The following CSMD3 variants were observed in gnomAD, a reference collection of about 807,000 sequenced individuals.
CSMD3 encodes the protein CUB and sushi domain-containing protein 3.
A neutral mutation model predicts 435.2 loss-of-function variants in CSMD3; 177 were observed. The observed-to-expected ratio is 0.41, with a 90% CI of 0.36 to 0.46. CSMD3 has a LOEUF of 0.46. Ranked by LOEUF, CSMD3 falls within the 20% of genes least tolerant of loss-of-function variation. CSMD3 has a pLI of 0.34. For missense variants in CSMD3, 4,265 were observed against 4,504.6 expected, an observed-to-expected ratio of 0.95 and a Z score of 1.52; for synonymous variants, 1,656 against 1,520.5, an observed-to-expected ratio of 1.09 and a Z score of -2.07.
chr8:113,356,305 G>GA (rs1200847848), intron 1 of CSMD3, among the ~76,000 whole-genome samples: 1 of 152,124 alleles, frequency 6.6e-6, no homozygotes, highest in African/African-American at 2.4e-5. Context: ...CACAGAGGAG[G>GA]AAAAAAATTG....
chr8:113,018,504 G>A (rs961889845), intron 6 of CSMD3, among the ~76,000 whole-genome samples: 2 of 152,062 alleles, frequency 1.3e-5, no homozygotes, highest in African/African-American at 2.4e-5. Flanking sequence ...AGCTCACATA[G>A]TATTACAGAA....
At chr8:112,789,717 C>G (rs1197808842) in intron 13 of CSMD3, among the ~76,000 whole-genome samples, 2 of 151,908 alleles carry the variant, frequency 1.3e-5, no homozygotes, top group African/African-American at 4.8e-5. Context: ...AAAGAAACGT[C>G]AAATCATAAT....
At chr8:112,233,514 A>G (rs1813284815) in intron 68 of CSMD3, among the ~76,000 whole-genome samples, 1 of 152,214 alleles carries the variant, frequency 6.6e-6, no homozygotes, top group Non-Finnish European at 1.5e-5. Flanking sequence ...CAGAATGCAG[A>G]AATAGGATAA....
At chr8:112,517,304 TAATTTTTAAAATTTTGGGGTC>T in intron 27 of CSMD3, 79 bp from the exon 28 acceptor site, 1 of 1,074,934 alleles carries the variant, frequency 9.3e-7, no homozygotes, top group Admixed American at 2.4e-5. Context: ...TTTAGAAAAT[TAATTTTTAAAATTTTGGGGTC>T]AATTTTTAAA....
intron 32 of CSMD3, among the ~76,000 whole-genome samples, chr8:112,424,198 C>G (rs1194343730): frequency 1.3e-5 from 2 of 152,064 alleles, no homozygotes; most frequent in Non-Finnish European, 2.9e-5. Flanking sequence ...CGATTCAAAG[C>G]CCAGATCGAC....
chr8:112,408,064 A>G (rs965636199), intron 34 of CSMD3, among the ~76,000 whole-genome samples: 3 of 152,066 alleles, frequency 2.0e-5, no homozygotes, highest in African/African-American at 7.2e-5. Context: ...TTGTCAGGAA[A>G]AAAAAGTAGA....
At chr8:112,952,064 T>A (rs1008377081) in intron 8 of CSMD3, among the ~76,000 whole-genome samples, 6 of 151,692 alleles carry the variant, frequency 4.0e-5, no homozygotes, top group Admixed American at 1.3e-4. Flanking sequence ...TAATTTTTTT[T>A]AAATCTATAG....
At chr8:113,156,044 T>C (rs1226520180) in intron 4 of CSMD3, among the ~76,000 whole-genome samples, 1 of 152,078 alleles carries the variant, frequency 6.6e-6, no homozygotes, top group Non-Finnish European at 1.5e-5. Flanking sequence ...TTTTTTTCTT[T>C]TGTTTTCCAT....
intron 1 of CSMD3, among the ~76,000 whole-genome samples, chr8:113,359,463 G>A (rs1011610742): frequency 6.6e-6 from 1 of 152,148 alleles, no homozygotes; most frequent in Non-Finnish European, 1.5e-5. Flanking sequence ...AACAGAGCGG[G>A]GGCAAATTCT....
At chr8:112,813,317 G>T (rs899469586) in intron 12 of CSMD3, among the ~76,000 whole-genome samples, 2 of 152,150 alleles carry the variant, frequency 1.3e-5, no homozygotes, top group African/African-American at 4.8e-5. Flanking sequence ...TGTTACCAGA[G>T]TGAAAAACAA....
intron 4 of CSMD3, among the ~76,000 whole-genome samples, chr8:113,161,098 T>A (rs900269207): frequency 7.9e-5 from 12 of 152,120 alleles, no homozygotes; most frequent in African/African-American, 2.4e-4. Flanking sequence ...TTTTCCTTGA[T>A]AATGGGAATT....
At chr8:113,210,238 C>T (rs1233661481) in intron 3 of CSMD3, among the ~76,000 whole-genome samples, 1 of 151,926 alleles carries the variant, frequency 6.6e-6, no homozygotes, top group Non-Finnish European at 1.5e-5. Context: ...GAAATTTCAG[C>T]GTGATCCTGA....
At position 112,638,921 on chromosome 8, in the gene CSMD3, A is replaced by G. The variant is rs558499533; in HGVS notation, c.3311-10T>C. 1 of 1,575,620 alleles carries G rather than the reference A, an allele frequency of 6.3e-7. No homozygotes were observed. Among genetic ancestry groups the G allele is most frequent in the African/African-American group, 1.3e-5 (1 of 74,158 alleles). On this transcript the variant is annotated splice_polypyrimidine_tract_variant and intron_variant, in intron 20 of 70. Coordinates refer to ENST00000297405, the MANE Select transcript of CSMD3 (RefSeq NM_198123.2). ...AAGTTGAACTGCACACCTATTAAGA[A>G]AAATAGAAACACTGAATTTACAGGT...
chr8:112,672,170 G>A (rs1194167331), intron 16 of CSMD3, among the ~76,000 whole-genome samples: 1 of 151,970 alleles, frequency 6.6e-6, no homozygotes, highest in Non-Finnish European at 1.5e-5. Flanking sequence ...AAAGAGTCTG[G>A]GTAGGAGATG....
chr8:113,245,356 G>T (rs1336992134), intron 3 of CSMD3, among the ~76,000 whole-genome samples: 1 of 151,272 alleles, frequency 6.6e-6, no homozygotes, highest in Non-Finnish European at 1.5e-5. Context: ...CTACTGTTTT[G>T]TATTGTATTA....
intron 59 of CSMD3, among the ~76,000 whole-genome samples, chr8:112,271,556 C>T (rs1229363668): frequency 1.3e-5 from 2 of 152,016 alleles, no homozygotes; most frequent in Non-Finnish European, 2.9e-5. Flanking sequence ...AACATGGATT[C>T]TTGAGTGAAA....
chr8:113,156,547 A>G (rs1034851433), intron 4 of CSMD3, among the ~76,000 whole-genome samples: 18 of 151,616 alleles, frequency 1.2e-4, no homozygotes, highest in South Asian at 4.2e-4. Flanking sequence ...TTCTCTTTTT[A>G]TTACTGTAAT....
At chr8:112,520,028 C>T (rs543326207) in intron 27 of CSMD3, among the ~76,000 whole-genome samples, 4 of 151,970 alleles carry the variant, frequency 2.6e-5, no homozygotes, top group Non-Finnish European at 4.4e-5. Context: ...GTCCAAAAAC[C>T]TACATATTTA....
At chr8:112,868,108 AAC>A (rs1440370736) in intron 10 of CSMD3, among the ~76,000 whole-genome samples, 1 of 151,782 alleles carries the variant, frequency 6.6e-6, no homozygotes, top group East Asian at 1.9e-4. Flanking sequence ...CTAAGACACA[AAC>A]ACACACATTA....
Sources: allele counts gnomAD v4.1 joint callset (sites outside exome capture counted in the v4.1 genomes callset), GRCh38; gene constraint gnomAD v4.1.1; transcripts MANE v1.5; gene names NCBI Gene and HGNC (gene_info 2026-07-23, HGNC 2026-07-21).